UGT1A4: variants seen among roughly 807,000 people sequenced by gnomAD.
The protein encoded by UGT1A4 is UDP glucuronosyltransferase family 1 member A4, also known as UDP-glucuronosyltransferase 1A4.
In UGT1A4, 32 loss-of-function variants were observed where a neutral mutation model predicts 41.1. That is an observed-to-expected ratio of 0.78 (90% CI 0.59 to 1.05). The LOEUF (loss-of-function observed/expected upper bound fraction) is 1.05, where lower values mean the gene tolerates loss of function less well. UGT1A4 is among the 50% of genes least tolerant of loss of function. UGT1A4 has a pLI of 0.00. For synonymous variants in UGT1A4, 283 were observed against 265.1 expected, an observed-to-expected ratio of 1.07 and a Z score of -0.66; for missense variants, 748 against 677.4, an observed-to-expected ratio of 1.10 and a Z score of -1.16.
rs1400065654 is a variant in UGT1A4 at position 233,732,845 on chromosome 2, G to C, written c.867+13158G>C. 4.2e-5 allele frequency among the ~76,000 whole-genome samples: 5 copies of C among 119,428 alleles called. No individual in the cohort carries two copies. The East Asian group carries it at 1.3e-3, about 30-fold the overall frequency. 78.3% of individuals were successfully genotyped at this position (119,428 alleles called of 152,430 possible). A position where few individuals can be genotyped will look rare whatever the true frequency, so the allele number is the denominator to read the frequency against. On this transcript the variant is annotated intron_variant, in intron 1 of 4. Coordinates refer to ENST00000373409, the MANE Select transcript of UGT1A4 (RefSeq NM_007120.3). ...CTTTAAAGTAGTTTTTTCCAATTTTGTGAAGTCATTGGTAGCTTGATGGGT... is the reference window on the plus strand; with the variant it reads ...CTTTAAAGTAGTTTTTTCCAATTTTCTGAAGTCATTGGTAGCTTGATGGGT...
At chr2:233,746,424 C>T (rs1693388244) in intron 1 of UGT1A4, among the ~76,000 whole-genome samples, 1 of 151,702 alleles carries the variant, frequency 6.6e-6, no homozygotes, top group South Asian at 2.1e-4. Context: ...GACCTATTAA[C>T]TTATGTCTTC....
At chr2:233,746,322 CTA>C (rs780402376) in intron 1 of UGT1A4, among the ~76,000 whole-genome samples, 9 of 151,756 alleles carry the variant, frequency 5.9e-5, no homozygotes, top group Non-Finnish European at 1.0e-4. Flanking sequence ...TGTAGATGAT[CTA>C]CAGGGCAATG....
chr2:233,769,535 A>C lies in UGT1A4; in HGVS notation c.1307+1096A>C, dbSNP rs573901660. 3.1e-6 allele frequency: 5 copies of C among 1,612,920 alleles called. No homozygotes were observed. The highest frequency in any genetic ancestry group is 1.7e-5 in the Admixed American group (1 of 60,014). ...TCCCATGGTTACCTCCTTTAGAAAG[A>C]AGCAGCAGTCAGGAAGACAGATGTG... On this transcript the variant is annotated intron_variant, in intron 4 of 4. Coordinates refer to ENST00000373409, the MANE Select transcript of UGT1A4 (RefSeq NM_007120.3). The surrounding 1 kb of genome is among the most constrained non-coding windows in gnomAD (Gnocchi z 4.4).
At chr2:233,735,447 G>A (rs1470432521) in intron 1 of UGT1A4, among the ~76,000 whole-genome samples, 4 of 152,136 alleles carry the variant, frequency 2.6e-5, no homozygotes, top group Non-Finnish European at 5.9e-5. Flanking sequence ...ATACCGATGG[G>A]CCTTGACTCT....
chr2:233,770,519 A>G (rs1327661350), intron 4 of UGT1A4: 1 of 152,120 alleles, frequency 6.6e-6, no homozygotes, highest in Non-Finnish European at 1.5e-5. Flanking sequence ...TTACCCAGGC[A>G]TGGTGGTGTA....
intron 1 of UGT1A4, among the ~76,000 whole-genome samples, chr2:233,763,438 G>A (rs1487731202): frequency 6.6e-6 from 1 of 152,146 alleles, no homozygotes; most frequent in African/African-American, 2.4e-5. Context: ...GCTTTAATAA[G>A]TGCATTTTGC....
intron 4 of UGT1A4, 25 bp downstream of exon 4, chr2:233,768,464 A>G (rs902987402): frequency 1.9e-6 from 3 of 1,606,818 alleles, no homozygotes; most frequent in Non-Finnish European, 2.6e-6. Flanking sequence ...ACAGAAGAAT[A>G]CTTTGGTCAT....
At chr2:233,762,782 TCTA>T (rs770561040) in intron 1 of UGT1A4, among the ~76,000 whole-genome samples, 8 of 152,166 alleles carry the variant, frequency 5.3e-5, no homozygotes, top group Non-Finnish European at 7.4e-5. Flanking sequence ...TAGCTGATTA[TCTA>T]CTCATTACTC....
intron 1 of UGT1A4, chr2:233,760,696 A>G (rs1165584842): frequency 6.2e-7 from 1 of 1,614,168 alleles, no homozygotes; most frequent in South Asian, 1.1e-5. Context: ...CAAGGAGCTC[A>G]TGGCCTCCCT....
intron 1 of UGT1A4, among the ~76,000 whole-genome samples, chr2:233,727,107 A>G (rs879349742): frequency 4.6e-5 from 7 of 152,176 alleles, no homozygotes; most frequent in Non-Finnish European, 7.3e-5. Flanking sequence ...TTGTGTGTTT[A>G]GGTCTGTGAG....
intron 1 of UGT1A4, among the ~76,000 whole-genome samples, chr2:233,724,190 G>T (rs1456907439): frequency 1.6e-5 from 2 of 128,342 alleles, no homozygotes; most frequent in Non-Finnish European, 3.3e-5. Flanking sequence ...CCCGGACGGG[G>T]TGGCTGGCCG....
intron 1 of UGT1A4, chr2:233,755,155 T>G (rs921927491): frequency 2.3e-6 from 3 of 1,293,388 alleles, no homozygotes; most frequent in Non-Finnish European, 2.1e-6. Flanking sequence ...GCTTCCTCCC[T>G]GTCCTCGGGG....
chr2:233,758,631 T>C (rs1046720713), intron 1 of UGT1A4, among the ~76,000 whole-genome samples: 1 of 152,152 alleles, frequency 6.6e-6, no homozygotes, highest in Non-Finnish European at 1.5e-5. Context: ...AAGTACCTAC[T>C]CTAAGGAGAA....
rs1191873899 is a variant in UGT1A4 at position 233,760,673 on chromosome 2, A to G, written c.868-6361A>G. The G allele has an allele frequency of 2.5e-6, 4 of 1,614,214 alleles. No homozygotes were observed. Among genetic ancestry groups the G allele is most frequent in the Non-Finnish European group, 3.4e-6 (4 of 1,180,038 alleles). Reference sequence around the variant, plus strand: ...GCTATGCTTTTGTCTGGCTGTTCCCACTTACTGCACAACAAGGAGCTCATG... The same window carrying G: ...GCTATGCTTTTGTCTGGCTGTTCCCGCTTACTGCACAACAAGGAGCTCATG... On this transcript the variant is annotated intron_variant, in intron 1 of 4. Coordinates refer to ENST00000373409, the MANE Select transcript of UGT1A4 (RefSeq NM_007120.3).
chr2:233,772,537 C>T lies in UGT1A4; in HGVS notation c.1583C>T (p.Ala528Val). 1 of 1,614,090 alleles carries T rather than the reference C, an allele frequency of 6.2e-7. No individual in the cohort carries two copies. Among genetic ancestry groups the T allele is most frequent in the South Asian group, 1.1e-5 (1 of 91,078 alleles). ...GGGAAAAAAGGGCGAGTTAAGAAAG[C>T]CCACAAATCCAAGACCCATTGAGAA... ...CLGKKGRVKK[A>V]HKSKTH Residue 528 changes from alanine to valine, a missense_variant, in exon 5 of 5, where the codon GCC becomes GTC. Ala to Val is a moderately conservative substitution (Grantham distance 64, BLOSUM62 0). Transcript: ENST00000373409.
rs997006332 is a variant in UGT1A4, at chr2:233,773,053, G to C, written c.*494G>C. 2 of 178,736 alleles carry C rather than the reference G, an allele frequency of 1.1e-5. No individual in the cohort carries two copies. The highest frequency in any genetic ancestry group is 4.8e-5 in the African/African-American group (2 of 42,000). The allele number at this position is 178,736 out of a possible 1,614,324, so 11.1% of individuals were successfully genotyped here. ...AAAGAAGGGAAGCTTTGTACCTTTA[G>C]AGTGTAGGTGAAATGAATGAATGGC... On this transcript the variant is annotated 3_prime_UTR_variant, in exon 5 of 5. Coordinates refer to ENST00000373409, the MANE Select transcript of UGT1A4 (RefSeq NM_007120.3).
intron 1 of UGT1A4, chr2:233,754,965 T>A (rs1303021739): frequency 7.7e-7 from 1 of 1,306,100 alleles, no homozygotes; most frequent in East Asian, 4.6e-5. Flanking sequence ...GCCAAAGAAC[T>A]CCCTGAAGAC....
At chr2:233,741,092 C>G (rs1056351038) in intron 1 of UGT1A4, among the ~76,000 whole-genome samples, 2 of 151,810 alleles carry the variant, frequency 1.3e-5, no homozygotes, top group African/African-American at 4.9e-5. Flanking sequence ...AACAAACAAG[C>G]AAACAGACAA....
intron 1 of UGT1A4, chr2:233,729,110 C>T: frequency 6.2e-7 from 1 of 1,612,868 alleles, no homozygotes; most frequent in Non-Finnish European, 8.5e-7. Context: ...AGTCAGCTGT[C>T]CGTGTCTTCT....
Sources: gnomAD v4.1 joint callset for allele counts (sites outside exome capture counted in the v4.1 genomes callset) on GRCh38, gnomAD v4.1.1 for gene constraint, Gnocchi (gnomAD v3.1) non-coding constraint, MANE v1.5 for transcripts, NCBI Gene and HGNC (gene_info 2026-07-23, HGNC 2026-07-21) for gene names.